The following BOLL variants were observed in gnomAD, a reference collection of about 807,000 sequenced individuals.
The protein encoded by BOLL is protein boule-like.
Under a neutral mutation model 44.4 loss-of-function variants are expected in BOLL, and 23 were observed. That is an observed-to-expected ratio of 0.52 (90% confidence interval 0.37 to 0.73). BOLL has a LOEUF of 0.73. Among genes scored for constraint, BOLL ranks in the 30% least tolerant of loss-of-function variants. The pLI is 0.00. For missense variants in BOLL, 287 were observed against 338.3 expected, an observed-to-expected ratio of 0.85 and a Z score of 1.19; for synonymous variants, 97 against 110.8, an observed-to-expected ratio of 0.88 and a Z score of 0.78.
intron 5 of BOLL, among the ~76,000 whole-genome samples, chr2:197,773,099 G>C (rs1689339644): frequency 1.3e-5 from 2 of 151,380 alleles, no homozygotes; most frequent in African/African-American, 4.9e-5. Flanking sequence ...TTATTTTAAT[G>C]GTTCTTAATT....
Position 197,756,516 on chromosome 2 carries a change from G to A in BOLL, c.641C>T (p.Ser214Phe). ...TTCCACTGGTTGATAAATAACCTCA[G>A]AAGGTTGCAGGTATAAGAATGGAGC... ...SSAPFLYLQP[S>F]EVIYQPVEIA... Residue 214 changes from serine (S) to phenylalanine (F), a missense_variant, in exon 9 of 11, where the codon TCT becomes TTT. Ser to Phe is a radical substitution (Grantham distance 155). Coordinates refer to ENST00000392296, the MANE Select transcript of BOLL (RefSeq NM_033030.6). The A allele has an allele frequency of 1.2e-6, 2 of 1,612,366 alleles. No homozygotes were observed. Among genetic ancestry groups the A allele is most frequent in the Non-Finnish European group, 1.7e-6 (2 of 1,178,856 alleles).
intron 2 of BOLL, 39 bp from the exon 3 acceptor site, chr2:197,779,105 G>C (rs375329342): frequency 3.2e-5 from 46 of 1,426,444 alleles, no homozygotes; most frequent in Non-Finnish European, 4.3e-5. Context: ...AGCATTTTTA[G>C]TTGATAAAAG....
rs569818384 is a variant in BOLL, at chr2:197,748,360, G to C, written c.730-5201C>G. Among the ~76,000 whole-genome samples the C allele has an allele frequency of 2.6e-5, 4 of 152,270 alleles. No homozygotes were observed. In the East Asian group the frequency reaches 7.7e-4, roughly 29 times the overall value. ...GGTTTTTTTTGTTCATACCCCAGTG[G>C]CACCTGGAACTCCAGAGAGACAGAA... On this transcript the variant is annotated intron_variant, in intron 9 of 10. Transcript: ENST00000392296.
chr2:197,729,505 G>T (rs1574788231), intron 10 of BOLL, among the ~76,000 whole-genome samples: 1 of 152,188 alleles, frequency 6.6e-6, no homozygotes, highest in Admixed American at 6.5e-5. Flanking sequence ...CTCCACCTCT[G>T]GGGGCAGGGC....
chr2:197,751,336 CA>C (rs200202525), intron 9 of BOLL, among the ~76,000 whole-genome samples: 1 of 151,534 alleles, frequency 6.6e-6, no homozygotes, highest in African/African-American at 2.4e-5. Flanking sequence ...AAAAACCCTT[CA>C]AAAAAAATCA....
chr2:197,754,113 A>C (rs1688390670), intron 9 of BOLL, among the ~76,000 whole-genome samples: 1 of 152,166 alleles, frequency 6.6e-6, no homozygotes. Flanking sequence ...AGGGAGGGGA[A>C]TATCACACAC....
At position 197,761,204 on chromosome 2, in the gene BOLL, G is replaced by A. The variant is rs533067239; in HGVS notation, c.553-3804C>T. ...ACATGCCTGTAGTCTCAGCTGTGTGGCAGGCTAAGGTGGGAGGGATTACTT... is the reference window on the plus strand; with the variant it reads ...ACATGCCTGTAGTCTCAGCTGTGTGACAGGCTAAGGTGGGAGGGATTACTT... On this transcript the variant is annotated intron_variant, in intron 7 of 10. Coordinates refer to ENST00000392296, the MANE Select transcript of BOLL (RefSeq NM_033030.6). Among the ~76,000 whole-genome samples, 4 of 152,230 alleles carry A rather than the reference G, an allele frequency of 2.6e-5. No homozygotes were observed. In the East Asian group the frequency reaches 7.7e-4, roughly 29 times the overall value.
rs75199098 is a variant in BOLL at position 197,782,633 on chromosome 2, T to C, written c.-15-768A>G. 6.1e-3 allele frequency among the ~76,000 whole-genome samples: 928 copies of C among 152,316 alleles called. 16 individuals carry two copies. The highest frequency in any genetic ancestry group is 0.021 in the African/African-American group (867 of 41,562). ...TCCTGTAAGTTCTAACACCTTCTGA[T>C]TGAGAGGCCCCATGGTTTATGTTTT... On this transcript the variant is annotated intron_variant, in intron 1 of 10. Transcript: ENST00000392296.
At chr2:197,766,428 T>A in intron 7 of BOLL, 104 bp downstream of exon 7, 1 of 946,838 alleles carries the variant, frequency 1.1e-6, no homozygotes, top group Non-Finnish European at 1.7e-6. Context: ...ATGAACTATC[T>A]CTTTGTAATT....
intron 10 of BOLL, among the ~76,000 whole-genome samples, chr2:197,734,725 C>T (rs987491279): frequency 5.9e-5 from 9 of 151,998 alleles, no homozygotes; most frequent in East Asian, 3.9e-4. Context: ...AACCAAACAC[C>T]GCATGTTCTC....
In BOLL at chr2:197,766,950, T is replaced by C. The variant is rs555300357; in HGVS notation, c.481-347A>G. ...CTTAGGGTGACGCTGCCTGTTTCCA[T>C]TGTGGGGACCAGCAGGAAACAGTTA... On this transcript the variant is annotated intron_variant, in intron 6 of 10. Coordinates refer to ENST00000392296, the MANE Select transcript of BOLL (RefSeq NM_033030.6). 4.5e-4 allele frequency among the ~76,000 whole-genome samples: 68 copies of C among 152,150 alleles called. 2 individuals are homozygous for C. In the South Asian group the frequency reaches 1.0e-2, roughly 22 times the overall value.
chr2:197,780,586 A>G (rs955199927), intron 2 of BOLL, among the ~76,000 whole-genome samples: 1 of 152,076 alleles, frequency 6.6e-6, no homozygotes, highest in African/African-American at 2.4e-5. Flanking sequence ...TAAATATTTT[A>G]TAAGAAATAA....
chr2:197,786,164 G>C (rs899086127), upstream of BOLL: 16 of 1,080,294 alleles, frequency 1.5e-5, no homozygotes, highest in African/African-American at 1.2e-4. This position sits in a 1 kb window ranked among gnomAD's most constrained non-coding sequence, Gnocchi z 5.9. Context: ...CTCGGACCCC[G>C]GCCCTGAACC....
At chr2:197,729,022 G>C (rs1028487950) in intron 10 of BOLL, among the ~76,000 whole-genome samples, 1 of 152,214 alleles carries the variant, frequency 6.6e-6, no homozygotes, top group Non-Finnish European at 1.5e-5. Context: ...CAGCGTGAGC[G>C]ACGCAGAAGA....
intron 9 of BOLL, among the ~76,000 whole-genome samples, chr2:197,745,888 T>G (rs1454969240): frequency 1.3e-5 from 2 of 152,144 alleles, no homozygotes; most frequent in Non-Finnish European, 2.9e-5. Context: ...CAGAGTGAGG[T>G]AGAAGCACAA....
chr2:197,771,846 A>G lies in BOLL; in HGVS notation c.480+9T>C. On this transcript the variant is annotated intron_variant, in intron 6 of 10. Coordinates refer to ENST00000392296, the MANE Select transcript of BOLL (RefSeq NM_033030.6). ...AGATGGAAATCCTTTTTTAAATGAAATTACTTACAGGCCAAGGCGGTGGGA... is the reference window on the plus strand; with the variant it reads ...AGATGGAAATCCTTTTTTAAATGAAGTTACTTACAGGCCAAGGCGGTGGGA... The G allele has an allele frequency of 6.4e-7, 1 of 1,555,310 alleles. No homozygotes were observed. The highest frequency in any genetic ancestry group is 8.7e-7 in the Non-Finnish European group (1 of 1,155,310).
At chr2:197,784,531 A>G (rs1251082464) in intron 1 of BOLL, 1 of 180,090 alleles carries the variant, frequency 5.6e-6, no homozygotes, top group Non-Finnish European at 1.0e-5. Flanking sequence ...CCCTGGTTCA[A>G]GAGATTCTCC....
chr2:197,764,037 A>G (rs1688880249), intron 7 of BOLL, among the ~76,000 whole-genome samples: 1 of 152,192 alleles, frequency 6.6e-6, no homozygotes, highest in Non-Finnish European at 1.5e-5. Flanking sequence ...AGAGAAAATA[A>G]CAAACCCTGG....
intron 5 of BOLL, 119 bp downstream of exon 5, chr2:197,775,546 A>G: frequency 1.4e-6 from 1 of 705,356 alleles, no homozygotes; most frequent in Non-Finnish European, 2.2e-6. Flanking sequence ...CAACTTTGCT[A>G]AAATAACTTT....
Sources: gnomAD v4.1 joint callset for allele counts (sites outside exome capture counted in the v4.1 genomes callset) on GRCh38, gnomAD v4.1.1 for gene constraint, Gnocchi (gnomAD v3.1) non-coding constraint, MANE v1.5 for transcripts, NCBI Gene and HGNC (gene_info 2026-07-23, HGNC 2026-07-21) for gene names.